The following PHACTR1 variants were observed in gnomAD, a reference collection of about 807,000 sequenced individuals.
PHACTR1 encodes the protein RPEL repeat containing 1.
Under a neutral mutation model 69.2 loss-of-function variants are expected in PHACTR1, and 16 were observed. The ratio of observed to expected loss-of-function variants is 0.23; its 90% CI spans 0.16 to 0.35. PHACTR1 has a LOEUF of 0.35. Ranked by LOEUF, PHACTR1 falls within the 10% of genes least tolerant of loss-of-function variation. The pLI is 1.00. For missense variants in PHACTR1, 510 were observed against 734.7 expected (o/e 0.69, Z 3.54); for synonymous variants, 312 against 284.5 (o/e 1.10, Z -0.97).
chr6:12,941,750 A>G (rs1290085913), intron 4 of PHACTR1, among the ~76,000 whole-genome samples: 3 of 152,196 alleles, frequency 2.0e-5, no homozygotes, highest in African/African-American at 7.2e-5. Flanking sequence ...AGCCCAGGGC[A>G]GATTCTCAGC....
intron 4 of PHACTR1, among the ~76,000 whole-genome samples, chr6:12,962,302 C>G (rs2127569511): frequency 6.6e-6 from 1 of 152,242 alleles, no homozygotes; most frequent in Non-Finnish European, 1.5e-5. Flanking sequence ...TTAATCATCT[C>G]TTTCAAGGCC....
At chr6:13,042,826 ATTTATC>A (rs1342751152) in intron 4 of PHACTR1, among the ~76,000 whole-genome samples, 3 of 152,134 alleles carry the variant, frequency 2.0e-5, no homozygotes, top group Non-Finnish European at 4.4e-5. Context: ...GTATATGCCT[ATTTATC>A]TTTATAAGTC....
Position 12,720,491 on chromosome 6 carries a change from AG to A in PHACTR1, c.103+1645del, listed in dbSNP as rs751640902. Reference sequence around the variant, plus strand: ...CAGCCTTCTGGTTTTCAGCAGATGGAGCTGGGGGTGGAGTGGTCAGAATTGT... The same window carrying A: ...CAGCCTTCTGGTTTTCAGCAGATGGACTGGGGGTGGAGTGGTCAGAATTGT... On this transcript the variant is annotated intron_variant, in intron 3 of 14. Transcript: ENST00000332995. Among the ~76,000 whole-genome samples, 6 of 152,048 alleles carry A rather than the reference AG, an allele frequency of 3.9e-5. No homozygotes were observed. In the East Asian group the frequency reaches 1.2e-3, roughly 29 times the overall value.
At chr6:13,273,234 C>T (rs1195568980) in intron 11 of PHACTR1, 2 of 305,674 alleles carry the variant, frequency 6.5e-6, no homozygotes, top group Non-Finnish European at 1.2e-5. Flanking sequence ...AGCAGGGTCA[C>T]CTTTAAACCA....
intron 4 of PHACTR1, among the ~76,000 whole-genome samples, chr6:12,759,838 G>A (rs1424142234): frequency 6.6e-6 from 1 of 152,106 alleles, no homozygotes; most frequent in African/African-American, 2.4e-5. Context: ...CTTTTCTGAG[G>A]TAGCACAGTG....
chr6:13,073,675 G>C (rs1809921036), intron 5 of PHACTR1, among the ~76,000 whole-genome samples: 1 of 151,664 alleles, frequency 6.6e-6, no homozygotes, highest in African/African-American at 2.4e-5. Context: ...AAGAGATCTG[G>C]GACCACAAGT....
intron 5 of PHACTR1, among the ~76,000 whole-genome samples, chr6:13,064,610 ATATC>A (rs1395493605): frequency 0.012 from 112 of 9,260 alleles, 32 homozygotes; most frequent in East Asian, 0.021. Context: ...ATATATCTAT[ATATC>A]TATCTATCCA....
intron 4 of PHACTR1, among the ~76,000 whole-genome samples, chr6:13,028,119 A>G (rs977970082): frequency 6.6e-6 from 1 of 152,216 alleles, no homozygotes; most frequent in African/African-American, 2.4e-5. Context: ...CATGCATTTT[A>G]TCACACATAT....
At chr6:12,979,842 G>A (rs1166827274) in intron 4 of PHACTR1, among the ~76,000 whole-genome samples, 4 of 151,904 alleles carry the variant, frequency 2.6e-5, no homozygotes, top group African/African-American at 7.3e-5. Flanking sequence ...AACGCTAAAA[G>A]GTTGTTTCAT....
At chr6:12,769,634 G>T (rs916778452) in intron 4 of PHACTR1, among the ~76,000 whole-genome samples, 1 of 152,220 alleles carries the variant, frequency 6.6e-6, no homozygotes, top group East Asian at 1.9e-4. Flanking sequence ...TAGAACGGTC[G>T]TGGGTACATA....
At chr6:12,790,160 C>G (rs1278067468) in intron 4 of PHACTR1, among the ~76,000 whole-genome samples, 3 of 152,158 alleles carry the variant, frequency 2.0e-5, no homozygotes, top group African/African-American at 4.8e-5. Flanking sequence ...TATCATTCCT[C>G]TGTGAAAAAC....
chr6:12,966,426 A>G (rs1386832725), intron 4 of PHACTR1, among the ~76,000 whole-genome samples: 1 of 152,220 alleles, frequency 6.6e-6, no homozygotes. Context: ...CAGAACAGGG[A>G]ATGCAAACCC....
At chr6:12,779,454 A>G (rs1362359213) in intron 4 of PHACTR1, among the ~76,000 whole-genome samples, 1 of 131,566 alleles carries the variant, frequency 7.6e-6, no homozygotes, top group African/African-American at 3.1e-5. Flanking sequence ...GTAATGTCAT[A>G]TTTACTTCTG....
At chr6:12,883,322 T>C (rs191630448) in intron 4 of PHACTR1, among the ~76,000 whole-genome samples, 2 of 152,156 alleles carry the variant, frequency 1.3e-5, no homozygotes, top group African/African-American at 4.8e-5. Context: ...CAAGCAATTC[T>C]CCCTGCCTCA....
At chr6:12,946,096 T>C (rs1262638447) in intron 4 of PHACTR1, among the ~76,000 whole-genome samples, 1 of 151,466 alleles carries the variant, frequency 6.6e-6, no homozygotes, top group South Asian at 2.1e-4. Flanking sequence ...AGTAGACATC[T>C]CACAAGACCA....
chr6:12,774,736 G>C (rs946987682), intron 4 of PHACTR1, among the ~76,000 whole-genome samples: 39 of 152,232 alleles, frequency 2.6e-4, no homozygotes, highest in African/African-American at 8.4e-4. Context: ...CTTTGTCAAG[G>C]CTTTAAGTAT....
chr6:12,766,798 G>T (rs1443766158), intron 4 of PHACTR1, among the ~76,000 whole-genome samples: 1 of 152,174 alleles, frequency 6.6e-6, no homozygotes, highest in South Asian at 2.1e-4. Context: ...GAATGGTTTT[G>T]CTCAACCAAT....
intron 5 of PHACTR1, among the ~76,000 whole-genome samples, chr6:13,141,756 T>C: frequency 6.6e-6 from 1 of 151,144 alleles, no homozygotes; most frequent in African/African-American, 2.4e-5. Flanking sequence ...TGTGCTTGTT[T>C]TTCAGCTTTT....
At chr6:12,780,719 G>T (rs764929902) in intron 4 of PHACTR1, among the ~76,000 whole-genome samples, 1 of 152,204 alleles carries the variant, frequency 6.6e-6, no homozygotes, top group Non-Finnish European at 1.5e-5. Flanking sequence ...CAAGCTGCCC[G>T]ATAGTCACCT....
Sources: allele counts gnomAD v4.1 joint callset (sites outside exome capture counted in the v4.1 genomes callset), GRCh38; gene constraint gnomAD v4.1.1; transcripts MANE v1.5; gene names NCBI Gene and HGNC (gene_info 2026-07-23, HGNC 2026-07-21).